CDC42BPA: variants seen among roughly 807,000 people sequenced by gnomAD.
The protein encoded by CDC42BPA is serine/threonine-protein kinase MRCK alpha.
In CDC42BPA, 80 loss-of-function variants were observed where a neutral mutation model predicts 223.5. The ratio of observed to expected loss-of-function variants is 0.36; its 90% CI spans 0.30 to 0.43. The LOEUF is 0.43. CDC42BPA is among the 20% of genes least tolerant of loss of function. The pLI, the probability that CDC42BPA is intolerant of heterozygous loss-of-function variation, is 1.00. For missense variants in CDC42BPA, 1,743 were observed against 2,099.9 expected (o/e 0.83, Z 3.32); for synonymous variants, 694 against 718.6 (o/e 0.97, Z 0.55).
At chr1:227,283,168 T>A (rs1173067194) in intron 1 of CDC42BPA, among the ~76,000 whole-genome samples, 3 of 152,292 alleles carry the variant, frequency 2.0e-5, no homozygotes, top group East Asian at 3.9e-4. Context: ...TGACTTAAAA[T>A]ACACATATTG....
intron 1 of CDC42BPA, among the ~76,000 whole-genome samples, chr1:227,291,705 C>CG (rs1414229296): frequency 6.6e-6 from 1 of 150,816 alleles, no homozygotes; most frequent in African/African-American, 2.4e-5. Context: ...GTAAAACTTT[C>CG]CATATTCTTC....
intron 21 of CDC42BPA, among the ~76,000 whole-genome samples, chr1:227,062,708 T>C (rs1401393294): frequency 6.6e-6 from 1 of 152,140 alleles, no homozygotes; most frequent in Non-Finnish European, 1.5e-5. Context: ...TGTGTAACTA[T>C]ATAATTATTT....
rs753714533 is a variant in CDC42BPA at position 227,016,137 on chromosome 1, A to G, written c.4800T>C (p.Asn1600=). The G allele has an allele frequency of 1.5e-5, 24 of 1,606,688 alleles. No individual in the cohort carries two copies. In the Admixed American group the frequency reaches 4.0e-4, roughly 27 times the overall value. Residue 1600 remains asparagine, a synonymous_variant, in exon 34 of 37, where the codon AAT becomes AAC. Transcript: ENST00000366766. ...CTCCAGGACCCATGTGTGCTATGTG[A>G]TTAAAATTAGTTGGATTAGAAATTA... ...NKLISNPTNF[N]HIAHMGPGDG... is the part of the protein sequence containing the mutation.
rs192726130 is a variant in CDC42BPA at position 227,284,315 on chromosome 1, A to G, written c.179-30160T>C. Among the ~76,000 whole-genome samples, 737 of 152,342 alleles carry G rather than the reference A, an allele frequency of 4.8e-3. 2 individuals carry two copies. Among genetic ancestry groups the G allele is most frequent in the Non-Finnish European group, 7.0e-3 (476 of 68,016 alleles). On this transcript the variant is annotated intron_variant, in intron 1 of 36. Transcript: ENST00000366766. ...AAAAGCTGAACTTAAAGCAATTCAC[A>G]ACTTATGAACTAGTCATAATCTAGA...
In CDC42BPA at chr1:227,151,881, CA is replaced by C. The variant is rs58336726; in HGVS notation, c.694-4323del. On this transcript the variant is annotated intron_variant, in intron 6 of 36. Coordinates refer to ENST00000366766, the MANE Select transcript of CDC42BPA (RefSeq NM_001394014.1). ...CCAAGAGGTCATAACCCAGTCTCTA[CA>C]AAAAAAAAAAAAAAAAAAAAATTAG... 2.9e-4 allele frequency among the ~76,000 whole-genome samples: 25 copies of C among 85,766 alleles called. 1 individual carries two copies. The highest frequency in any genetic ancestry group is 5.9e-4 in the Admixed American group (4 of 6,794). 56.3% of individuals were successfully genotyped at this position (85,766 alleles called of 152,430 possible). A position where few individuals can be genotyped will look rare whatever the true frequency, so the allele number is the denominator to read the frequency against.
Position 226,994,963 on chromosome 1 carries a change from C to T in CDC42BPA, c.4993G>A (p.Gly1665Ser), listed in dbSNP as rs755545219. Residue 1665 changes from glycine to serine, a missense_variant, in exon 36 of 37, where the codon GGC becomes AGC. Physicochemically the swap from Gly to Ser is moderately conservative, Grantham distance 56 (BLOSUM62 0). This residue lies in a region of CDC42BPA where 200 missense variants were observed against 192.8 expected (regional missense o/e 1.04). Transcript: ENST00000366766. The surrounding 1 kb of genome is among the most constrained non-coding windows in gnomAD (Gnocchi z 4.0). ...GAGAATTCCCTCTTTAATGCGCTGCCATTCTGTGCGGATGACCCTACAGTA... is the reference window on the plus strand; with the variant it reads ...GAGAATTCCCTCTTTAATGCGCTGCTATTCTGTGCGGATGACCCTACAGTA... ...GLSARSSAQN[G>S]SALKREFSGG... 6.2e-7 allele frequency: 1 copy of T among 1,614,006 alleles called. No individual in the cohort carries two copies. Among genetic ancestry groups the T allele is most frequent in the Non-Finnish European group, 8.5e-7 (1 of 1,179,960 alleles).
At chr1:227,225,233 C>T (rs12133633) in intron 2 of CDC42BPA, among the ~76,000 whole-genome samples, 17,618 of 152,128 alleles carry the variant, frequency 0.12, 1,245 homozygotes, top group South Asian at 0.21. Flanking sequence ...CCTCAAATTA[C>T]AGAAGTGGGT....
At chr1:227,127,677 A>G (rs2149493885) in intron 11 of CDC42BPA, among the ~76,000 whole-genome samples, 1 of 152,312 alleles carries the variant, frequency 6.6e-6, no homozygotes, top group South Asian at 2.1e-4. Context: ...CCAATCTACA[A>G]TAACTTACTT....
At chr1:227,023,468 G>A (rs376965182) in intron 31 of CDC42BPA, 121 bp from the exon 32 acceptor site, 192 of 502,690 alleles carry the variant, frequency 3.8e-4, no homozygotes, top group South Asian at 2.6e-3. Context: ...TCAAAATGCA[G>A]CCCTCTCAGA....
chr1:227,244,917 G>T (rs995210557), intron 2 of CDC42BPA, among the ~76,000 whole-genome samples: 2 of 152,216 alleles, frequency 1.3e-5, no homozygotes, highest in Non-Finnish European at 2.9e-5. Flanking sequence ...TCACAGCAGA[G>T]AATGAAGCCC....
chr1:227,241,859 T>C (rs1211306988), intron 2 of CDC42BPA, among the ~76,000 whole-genome samples: 1 of 152,192 alleles, frequency 6.6e-6, no homozygotes, highest in Non-Finnish European at 1.5e-5. Flanking sequence ...CTTGTTCATA[T>C]GGCTTCACCA....
In CDC42BPA at chr1:227,136,880, T is replaced by A. The variant is rs540514906; in HGVS notation, c.1390+2696A>T. Among the ~76,000 whole-genome samples, 6 of 152,150 alleles carry A rather than the reference T, an allele frequency of 3.9e-5. No homozygotes were observed. In the South Asian group the frequency reaches 1.2e-3, roughly 32 times the overall value. On this transcript the variant is annotated intron_variant, in intron 10 of 36. Coordinates refer to ENST00000366766, the MANE Select transcript of CDC42BPA (RefSeq NM_001394014.1). ...AAGAATTTGTCACAACACATTCACA[T>A]TACAAGAAAACAATAAAGGAAGTTT...
rs921764224 is a variant in CDC42BPA, at chr1:227,264,937, A to T, written c.179-10782T>A. On this transcript the variant is annotated intron_variant, in intron 1 of 36. Coordinates refer to ENST00000366766, the MANE Select transcript of CDC42BPA (RefSeq NM_001394014.1). ...GCTCAATACCCCACTCGGTATATTC[A>T]TGGATTATCTCTTCCTCTTCTTGTA... 142 of 1,139,134 alleles carry T rather than the reference A, an allele frequency of 1.2e-4. No homozygotes were observed. The Middle Eastern group carries it at 2.8e-3, about 22-fold the overall frequency. 70.6% of individuals were successfully genotyped at this position (1,139,134 alleles called of 1,614,324 possible). A position where few individuals can be genotyped will look rare whatever the true frequency, so the allele number is the denominator to read the frequency against.
intron 17 of CDC42BPA, among the ~76,000 whole-genome samples, chr1:227,079,700 A>AT (rs1680229357): frequency 6.6e-6 from 1 of 152,130 alleles, no homozygotes; most frequent in African/African-American, 2.4e-5. Flanking sequence ...TAGAAACATT[A>AT]TAAGCATTAA....
intron 5 of CDC42BPA, among the ~76,000 whole-genome samples, chr1:227,166,829 T>C (rs940892054): frequency 6.6e-6 from 1 of 152,114 alleles, no homozygotes; most frequent in African/African-American, 2.4e-5. Flanking sequence ...AGGCTCTTAA[T>C]TACTCCATAA....
chr1:227,183,072 C>A (rs986924338), intron 5 of CDC42BPA: 1 of 152,218 alleles, frequency 6.6e-6, no homozygotes, highest in African/African-American at 2.4e-5. Context: ...TTGCAGATAT[C>A]CTATCATAGG....
rs1171588270 is a variant in CDC42BPA at position 227,259,259 on chromosome 1, G to T, written c.179-5104C>A. Among the ~76,000 whole-genome samples the T allele has an allele frequency of 1.3e-5, 2 of 150,914 alleles. 1 individual carries two copies. The highest frequency in any genetic ancestry group is 5.0e-5 in the African/African-American group (2 of 40,250). On this transcript the variant is annotated intron_variant, in intron 1 of 36. Transcript: ENST00000366766. ...TATGGAAATCTGACCTAAGCTGGGG[G>T]ACAAGTAATTTCAAACCTAACTCAG...
intron 12 of CDC42BPA, among the ~76,000 whole-genome samples, chr1:227,113,230 G>A (rs988685042): frequency 6.6e-6 from 1 of 152,242 alleles, no homozygotes; most frequent in African/African-American, 2.4e-5. Context: ...TAATAAATAT[G>A]TGTGAGGTTG....
chr1:227,190,883 G>A (rs1162295874), intron 5 of CDC42BPA, among the ~76,000 whole-genome samples: 3 of 152,056 alleles, frequency 2.0e-5, no homozygotes, highest in Non-Finnish European at 4.4e-5. Context: ...GTGTGTGGTG[G>A]GGGGTTAAGA....
Sources: allele counts gnomAD v4.1 joint callset (sites outside exome capture counted in the v4.1 genomes callset), GRCh38; gene constraint gnomAD v4.1.1; regional missense constraint gnomAD v4.1.1; non-coding constraint Gnocchi (gnomAD v3.1); transcripts MANE v1.5; gene names NCBI Gene and HGNC (gene_info 2026-07-23, HGNC 2026-07-21).